NTRK3: variants seen among roughly 807,000 people sequenced by gnomAD.
The protein encoded by NTRK3 is NT-3 growth factor receptor.
Under a neutral mutation model 91.7 loss-of-function variants are expected in NTRK3, and 24 were observed. The ratio of observed to expected loss-of-function variants is 0.26; its 90% CI spans 0.19 to 0.37. NTRK3 has a LOEUF of 0.37. Among genes scored for constraint, NTRK3 ranks in the 10% least tolerant of loss-of-function variants. NTRK3 has a pLI of 1.00. For synonymous variants in NTRK3, 483 were observed against 404.0 expected (o/e 1.20, Z -2.34); for missense variants, 880 against 1,068.9 (o/e 0.82, Z 2.46).
intron 3 of NTRK3, among the ~76,000 whole-genome samples, chr15:88,218,316 C>T (rs1161835181): frequency 1.3e-5 from 2 of 152,194 alleles, no homozygotes; most frequent in Admixed American, 6.5e-5. Flanking sequence ...CATGCAGCTA[C>T]GGTTGCTGGT....
At chr15:87,894,699 C>A (rs1306759619) in intron 17 of NTRK3, among the ~76,000 whole-genome samples, 1 of 152,156 alleles carries the variant, frequency 6.6e-6, no homozygotes, top group Non-Finnish European at 1.5e-5. Context: ...TCACTGCCCC[C>A]CTTCTCCAAC....
chr15:87,963,623 G>T (rs750168240), intron 14 of NTRK3, among the ~76,000 whole-genome samples: 2 of 152,210 alleles, frequency 1.3e-5, no homozygotes, highest in Non-Finnish European at 2.9e-5. Context: ...GTAGGCTAAT[G>T]TCAGTGTTCT....
At chr15:88,194,243 G>C (rs1457828814) in intron 3 of NTRK3, among the ~76,000 whole-genome samples, 1 of 152,176 alleles carries the variant, frequency 6.6e-6, no homozygotes, top group African/African-American at 2.4e-5. Context: ...TTAAATGTTG[G>C]AGTCTCCCAG....
At position 87,871,660 on chromosome 15, in the gene NTRK3, G is replaced by A. The variant is rs997544494; in HGVS notation, c.*5275C>T. ...TTTACAAGATGACAGATTTCCCATC[G>A]TAATCTTCCTGAATGTTTCTGAGGC... is the stretch of plus-strand genomic sequence containing the variant. On this transcript the variant is annotated 3_prime_UTR_variant, in exon 19 of 19. Transcript: ENST00000394480. The A allele has an allele frequency of 1.4e-4, 32 of 228,692 alleles. 1 individual carries two copies. The highest frequency in any genetic ancestry group is 2.5e-4 in the Non-Finnish European group (29 of 115,282). 14.2% of individuals were successfully genotyped at this position (228,692 alleles called of 1,614,324 possible).
intron 13 of NTRK3, among the ~76,000 whole-genome samples, chr15:88,053,265 CA>C (rs1471678199): frequency 1.3e-5 from 2 of 152,144 alleles, no homozygotes; most frequent in South Asian, 4.1e-4. Context: ...ATATAGGTCA[CA>C]AGGGTTATAG....
At chr15:88,096,239 C>G (rs1044024349) in intron 13 of NTRK3, among the ~76,000 whole-genome samples, 5 of 152,160 alleles carry the variant, frequency 3.3e-5, no homozygotes, top group Non-Finnish European at 7.3e-5. Flanking sequence ...CCAATCCTGA[C>G]CAGCCCTCTC....
intron 18 of NTRK3, among the ~76,000 whole-genome samples, chr15:87,877,740 A>G (rs2065018734): frequency 1.3e-5 from 2 of 152,194 alleles, no homozygotes; most frequent in South Asian, 4.2e-4. Flanking sequence ...GTCCTTAACA[A>G]TAGGACTAAC....
intron 13 of NTRK3, among the ~76,000 whole-genome samples, chr15:88,081,977 C>T (rs1469460096): frequency 6.6e-6 from 1 of 152,152 alleles, no homozygotes; most frequent in Non-Finnish European, 1.5e-5. Flanking sequence ...TGGGCTCTGC[C>T]CTCATTCCTA....
chr15:88,167,862 T>C (rs16941359), intron 5 of NTRK3, among the ~76,000 whole-genome samples: 2,715 of 152,300 alleles, frequency 0.018, 68 homozygotes, highest in African/African-American at 0.061. Flanking sequence ...CATAAAATTC[T>C]GATATGAGGT....
chr15:87,940,554 G>C (rs2069731220), intron 15 of NTRK3, 69 bp downstream of exon 15: 3 of 1,603,824 alleles, frequency 1.9e-6, no homozygotes, highest in Non-Finnish European at 2.6e-6. Context: ...AATGGAGGGA[G>C]CCTCTTCCTT....
At chr15:87,891,553 C>A (rs1161645780) in intron 17 of NTRK3, among the ~76,000 whole-genome samples, 2 of 152,112 alleles carry the variant, frequency 1.3e-5, no homozygotes, top group Admixed American at 1.3e-4. Context: ...GTTTATCTTT[C>A]CATTGTTTCT....
At chr15:88,172,956 G>C (rs1428326892) in intron 5 of NTRK3, among the ~76,000 whole-genome samples, 1 of 152,192 alleles carries the variant, frequency 6.6e-6, no homozygotes, top group Non-Finnish European at 1.5e-5. Flanking sequence ...GGTATGAGGG[G>C]ACTGGGAATT....
At chr15:88,194,298 G>T (rs1279158777) in intron 3 of NTRK3, among the ~76,000 whole-genome samples, 2 of 152,202 alleles carry the variant, frequency 1.3e-5, no homozygotes, top group Non-Finnish European at 1.5e-5. Flanking sequence ...ATGTGCCAAG[G>T]TGATCTCCCC....
At chr15:88,117,120 T>A (rs1054295530) in intron 13 of NTRK3, among the ~76,000 whole-genome samples, 2 of 152,192 alleles carry the variant, frequency 1.3e-5, no homozygotes, top group African/African-American at 4.8e-5. Flanking sequence ...GGCCTAGGTT[T>A]GGGAAGTTAT....
chr15:87,891,182 C>T (rs1222447201), intron 17 of NTRK3, among the ~76,000 whole-genome samples: 1 of 152,042 alleles, frequency 6.6e-6, no homozygotes, highest in African/African-American at 2.4e-5. Flanking sequence ...CTGAAAACAA[C>T]CTTCAACCTA....
chr15:87,920,956 T>C (rs1465748), intron 17 of NTRK3, among the ~76,000 whole-genome samples: 4 of 151,970 alleles, frequency 2.6e-5, no homozygotes, highest in Non-Finnish European at 5.9e-5. Context: ...CCAAACAAAG[T>C]CTGTAGTTTA....
chr15:88,139,688 G>C (rs945256204), intron 6 of NTRK3, among the ~76,000 whole-genome samples: 8 of 152,150 alleles, frequency 5.3e-5, no homozygotes, highest in African/African-American at 1.9e-4. Flanking sequence ...GAACTGCAAG[G>C]AGGGAGGGGC....
At chr15:88,244,075 G>T (rs1257735776) in intron 3 of NTRK3, among the ~76,000 whole-genome samples, 1 of 152,182 alleles carries the variant, frequency 6.6e-6, no homozygotes, top group East Asian at 1.9e-4. Flanking sequence ...CTCCATGCCA[G>T]CCACTGGGTG....
chr15:87,972,532 G>A (rs922579996), intron 14 of NTRK3, among the ~76,000 whole-genome samples: 6 of 152,148 alleles, frequency 3.9e-5, no homozygotes, highest in Admixed American at 6.5e-5. Flanking sequence ...AGAACTGCTC[G>A]AGGGTTTTGG....
Sources: gnomAD v4.1 joint callset for allele counts (sites outside exome capture counted in the v4.1 genomes callset) on GRCh38, gnomAD v4.1.1 for gene constraint, MANE v1.5 for transcripts, NCBI Gene and HGNC (gene_info 2026-07-23, HGNC 2026-07-21) for gene names.